Variants in FRMPD4 observed in about 807,000 individuals in gnomAD.
FRMPD4 encodes the protein FERM and PDZ domain-containing protein 4.
A neutral mutation model predicts 94.1 loss-of-function variants in FRMPD4; 22 were observed. The observed-to-expected ratio is 0.23, with a 90% CI of 0.17 to 0.33. The LOEUF is 0.33. Among genes scored for constraint, FRMPD4 ranks in the 10% least tolerant of loss-of-function variants. FRMPD4 has a pLI of 1.00. For missense variants in FRMPD4, 1,111 were observed against 1,339.9 expected (o/e 0.83, Z 2.67); for synonymous variants, 631 against 548.6 (o/e 1.15, Z -2.10).
chrX:12,133,193 C>A (rs1355782731), intron 3 of FRMPD4, among the ~76,000 whole-genome samples: 1 of 106,091 alleles, frequency 9.4e-6, no homozygotes. Flanking sequence ...AGGTAAAACC[C>A]TTCTGGTTTC....
chrX:12,284,917 A>C (rs1481191675), intron 1 of FRMPD4, among the ~76,000 whole-genome samples: 1 of 111,984 alleles, frequency 8.9e-6, no homozygotes, highest in Non-Finnish European at 1.9e-5. Context: ...AAAATAAGAC[A>C]ATCTGTATCA....
rs767845287 is a variant in FRMPD4, at chrX:12,023,233, C to T, written c.95+145215C>T. Reference sequence around the variant, plus strand: ...GACTCCCATCTGCCAATGCCTTGATCGTATACTTTTCAGCCTCCAGAACTT... The same window carrying T: ...GACTCCCATCTGCCAATGCCTTGATTGTATACTTTTCAGCCTCCAGAACTT... On this transcript the variant is annotated intron_variant, in intron 3 of 18. Coordinates refer to the FRMPD4 transcript ENST00000640291. Among the ~76,000 whole-genome samples the T allele has an allele frequency of 3.9e-4, 43 of 111,359 alleles. No homozygotes were observed. In the South Asian group the frequency reaches 4.6e-3, roughly 12 times the overall value.
intron 4 of FRMPD4, among the ~76,000 whole-genome samples, chrX:12,674,199 C>A (rs1357906537): frequency 8.9e-6 from 1 of 111,985 alleles, no homozygotes; most frequent in Non-Finnish European, 1.9e-5. Flanking sequence ...CTGCTTTTAG[C>A]CATGAAGTGC....
chrX:12,301,695 A>G (rs753040589), intron 1 of FRMPD4, among the ~76,000 whole-genome samples: 119 of 112,346 alleles, frequency 1.1e-3, no homozygotes, highest in Non-Finnish European at 1.8e-3. Context: ...GGACACTTGT[A>G]CCCCTGGCTA....
chrX:11,843,285 T>G (rs186364162), intron 1 of FRMPD4, among the ~76,000 whole-genome samples: 35 of 111,580 alleles, frequency 3.1e-4, no homozygotes, highest in African/African-American at 1.1e-3. Context: ...TTTTGGCCGC[T>G]TCTCTGTAGT....
chrX:12,156,104 TA>T (rs941793031), intron 1 of FRMPD4, among the ~76,000 whole-genome samples: 1 of 111,821 alleles, frequency 8.9e-6, no homozygotes, highest in African/African-American at 3.3e-5. Flanking sequence ...TAATTGTTTA[TA>T]ATGATGGGGT....
chrX:12,434,751 C>T (rs899959285), intron 1 of FRMPD4, among the ~76,000 whole-genome samples: 8 of 112,636 alleles, frequency 7.1e-5, no homozygotes, highest in Non-Finnish European at 1.1e-4. Context: ...GCCAAAAGCA[C>T]AGGGCAGCTA....
intron 3 of FRMPD4, among the ~76,000 whole-genome samples, chrX:11,899,179 C>T (rs919423567): frequency 9.0e-6 from 1 of 111,690 alleles, no homozygotes; most frequent in Non-Finnish European, 1.9e-5. Flanking sequence ...CTGTGGCATC[C>T]TAATTTGTCA....
At chrX:12,182,964 A>G (rs12690196) in intron 1 of FRMPD4, among the ~76,000 whole-genome samples, 53,601 of 110,280 alleles carry the variant, frequency 0.49, 9,444 homozygotes, top group East Asian at 0.76. Context: ...GAAGTCTGCT[A>G]TACCAAGGCA....
intron 1 of FRMPD4, among the ~76,000 whole-genome samples, chrX:12,358,808 G>T (rs1000610576): frequency 1.8e-5 from 2 of 111,721 alleles, no homozygotes; most frequent in Non-Finnish European, 3.8e-5. Context: ...AAGAACAAGT[G>T]GGGGAACCTC....
intron 1 of FRMPD4, among the ~76,000 whole-genome samples, chrX:12,237,833 T>C (rs897092867): frequency 8.9e-6 from 1 of 112,813 alleles, no homozygotes; most frequent in East Asian, 2.8e-4. Context: ...TGGAATTGTT[T>C]TCCTAAATAC....
At chrX:12,601,495 T>C (rs1056011813) in intron 2 of FRMPD4, among the ~76,000 whole-genome samples, 1 of 111,649 alleles carries the variant, frequency 9.0e-6, no homozygotes, top group East Asian at 2.8e-4. Flanking sequence ...TGTCCTGATA[T>C]TGCTCCACAG....
chrX:12,398,127 C>T (rs927712342), intron 1 of FRMPD4, among the ~76,000 whole-genome samples: 1 of 111,160 alleles, frequency 9.0e-6, no homozygotes, highest in East Asian at 2.8e-4. Flanking sequence ...ACTGAGTGGG[C>T]CCCAATTCTG....
chrX:12,021,963 T>A (rs867158104), intron 3 of FRMPD4, among the ~76,000 whole-genome samples: 1 of 112,241 alleles, frequency 8.9e-6, no homozygotes, highest in Non-Finnish European at 1.9e-5. Flanking sequence ...GCTCTGGTGC[T>A]AAGCTGTGCT....
At chrX:12,048,752 A>G (rs1441581945) in intron 3 of FRMPD4, among the ~76,000 whole-genome samples, 2 of 111,490 alleles carry the variant, frequency 1.8e-5, no homozygotes, top group African/African-American at 6.5e-5. Flanking sequence ...AGTCCTTTCT[A>G]CACCACTTAT....
chrX:12,719,484 T>C (rs554385057), intron 16 of FRMPD4, among the ~76,000 whole-genome samples: 5 of 112,714 alleles, frequency 4.4e-5, no homozygotes, highest in African/African-American at 1.6e-4. Context: ...CCGATCCACT[T>C]GGCTGGCCAT....
In FRMPD4 at chrX:12,332,205, TATAGAGAG is replaced by T. The variant is rs1241385022; in HGVS notation, c.42-166473_42-166466del. On this transcript the variant is annotated intron_variant, in intron 1 of 16. Coordinates refer to ENST00000675598, the MANE Select transcript of FRMPD4 (RefSeq NM_001368397.1). ...AATTTATATTTTATATATATATATA[TATAGAGAG>T]AGAGAGAGAGAGAGAGAGAGAGAGA... is the stretch of plus-strand genomic sequence containing the variant. Among the ~76,000 whole-genome samples the T allele has an allele frequency of 4.9e-3, 325 of 65,970 alleles. 16 individuals are homozygous for T. The highest frequency in any genetic ancestry group is 0.021 in the African/African-American group (243 of 11,808). The allele number at this position is 65,970 out of a possible 115,157, so 57.3% of individuals were successfully genotyped here. A position where few individuals can be genotyped will look rare whatever the true frequency, so the allele number is the denominator to read the frequency against.
At chrX:12,035,189 C>T (rs2054713861) in intron 3 of FRMPD4, among the ~76,000 whole-genome samples, 1 of 111,955 alleles carries the variant, frequency 8.9e-6, no homozygotes, top group African/African-American at 3.2e-5. Flanking sequence ...TAGGAAATAA[C>T]AGTATAATTT....
intron 1 of FRMPD4, among the ~76,000 whole-genome samples, chrX:12,254,388 T>G (rs765128396): frequency 1.8e-5 from 2 of 112,140 alleles, no homozygotes; most frequent in Non-Finnish European, 3.8e-5. Context: ...ATTGAATATA[T>G]TGGTATAACC....
Sources: gnomAD v4.1 joint callset for allele counts (sites outside exome capture counted in the v4.1 genomes callset) on GRCh38, gnomAD v4.1.1 for gene constraint, MANE v1.5 for transcripts, NCBI Gene and HGNC (gene_info 2026-07-23, HGNC 2026-07-21) for gene names.